Variants in SUSD1 observed in about 807,000 individuals in gnomAD.
SUSD1 encodes the protein sushi domain-containing protein 1.
Under a neutral mutation model 86.9 loss-of-function variants are expected in SUSD1, and 65 were observed. That is an observed-to-expected ratio of 0.75 (90% confidence interval 0.61 to 0.92). The LOEUF (loss-of-function observed/expected upper bound fraction) is 0.92. Ranked by LOEUF, SUSD1 falls within the 40% of genes least tolerant of loss-of-function variation. SUSD1 has a pLI of 0.00. For missense variants in SUSD1, 850 were observed against 929.7 expected (o/e 0.91, Z 1.11); for synonymous variants, 346 against 350.0 (o/e 0.99, Z 0.13).
At chr9:112,141,642 A>G (rs1325023366) in intron 5 of SUSD1, among the ~76,000 whole-genome samples, 4 of 150,432 alleles carry the variant, frequency 2.7e-5, no homozygotes, top group Non-Finnish European at 5.9e-5. Context: ...GTGCCACTAC[A>G]CTGCAGACTG....
At chr9:112,166,081 C>CA (rs1194306354) in intron 1 of SUSD1, among the ~76,000 whole-genome samples, 1 of 152,012 alleles carries the variant, frequency 6.6e-6, no homozygotes, top group Non-Finnish European at 1.5e-5. Context: ...CCCACACCAG[C>CA]AAAAAAACGT....
At chr9:112,070,770 A>G (rs530303723) in intron 12 of SUSD1, among the ~76,000 whole-genome samples, 3 of 152,360 alleles carry the variant, frequency 2.0e-5, no homozygotes, top group South Asian at 2.1e-4. Context: ...TTGAAATAGT[A>G]AAGTACACGC....
intron 12 of SUSD1, among the ~76,000 whole-genome samples, chr9:112,068,135 G>T (rs1829073103): frequency 1.3e-5 from 2 of 152,166 alleles, no homozygotes; most frequent in Admixed American, 1.3e-4. Context: ...CATGGAGACA[G>T]TTTTGTAAAG....
rs1172365155 is a variant in SUSD1, at chr9:112,079,980, A to G, written c.1566+94T>C. On this transcript the variant is annotated intron_variant, in intron 11 of 16. Coordinates refer to ENST00000374270, the MANE Select transcript of SUSD1 (RefSeq NM_022486.5). Reference sequence around the variant, plus strand: ...CACAGTAAATCGTCTACTGATAATGATAGTTATAGATGTAGATTTTTAGGT... The same window carrying G: ...CACAGTAAATCGTCTACTGATAATGGTAGTTATAGATGTAGATTTTTAGGT... 5 of 837,574 alleles carry G rather than the reference A, an allele frequency of 6.0e-6. No homozygotes were observed. The East Asian group carries it at 7.7e-5, about 13-fold the overall frequency. The allele number at this position is 837,574 out of a possible 1,614,324, so 51.9% of individuals were successfully genotyped here. A position where few individuals can be genotyped will look rare whatever the true frequency, so the allele number is the denominator to read the frequency against.
chr9:112,166,019 G>T, intron 1 of SUSD1, among the ~76,000 whole-genome samples: 1 of 144,878 alleles, frequency 6.9e-6, no homozygotes, highest in East Asian at 2.2e-4. Context: ...AAGTATAACC[G>T]CAAAGACAGT....
chr9:112,124,145 G>T, intron 6 of SUSD1, 112 bp downstream of exon 6: 2 of 1,048,180 alleles, frequency 1.9e-6, no homozygotes, highest in Non-Finnish European at 1.3e-6. Flanking sequence ...CAGGTAAATA[G>T]CCGAGCTGGG....
chr9:112,077,103 TTTTC>T (rs1244634680), intron 12 of SUSD1, among the ~76,000 whole-genome samples: 14 of 152,032 alleles, frequency 9.2e-5, no homozygotes, highest in Non-Finnish European at 1.8e-4. Flanking sequence ...TCTGCTCATT[TTTTC>T]TTTCTTTTCG....
At chr9:112,046,895 T>A (rs567981942) in intron 15 of SUSD1, among the ~76,000 whole-genome samples, 2 of 152,190 alleles carry the variant, frequency 1.3e-5, no homozygotes, top group Non-Finnish European at 2.9e-5. Context: ...AGCAACACTG[T>A]TATATTCCAT....
intron 2 of SUSD1, among the ~76,000 whole-genome samples, chr9:112,151,673 A>AG (rs1474191253): frequency 6.6e-6 from 1 of 151,718 alleles, no homozygotes; most frequent in East Asian, 1.9e-4. Flanking sequence ...AGGCCAAGGC[A>AG]GGCAGATCAC....
At chr9:112,072,134 C>A (rs1260433251) in intron 12 of SUSD1, among the ~76,000 whole-genome samples, 1 of 140,564 alleles carries the variant, frequency 7.1e-6, no homozygotes. Context: ...TTATTTCTTT[C>A]TTTCTCTTTT....
intron 8 of SUSD1, among the ~76,000 whole-genome samples, chr9:112,107,254 C>CAAAAAAAAAAAAAAAAAAGAAAAAA (rs1830884190): frequency 1.5e-5 from 1 of 66,200 alleles, no homozygotes; most frequent in Non-Finnish European, 2.7e-5. Context: ...GACCATATCT[C>CAAAAAAAAAAAAAAAAAAGAAAAAA]AAAAAAAAAA....
intron 1 of SUSD1, among the ~76,000 whole-genome samples, chr9:112,171,463 A>G (rs1284897859): frequency 6.6e-6 from 1 of 152,254 alleles, no homozygotes; most frequent in African/African-American, 2.4e-5. Flanking sequence ...TTAGTTTAGT[A>G]AACAATCACA....
At chr9:112,102,343 T>A in intron 8 of SUSD1, 58 bp from the exon 9 acceptor site, 1 of 858,482 alleles carries the variant, frequency 1.2e-6, no homozygotes, top group Non-Finnish European at 1.8e-6. Flanking sequence ...AAATGCATCA[T>A]GGCTGAGTAC....
chr9:112,156,235 T>C (rs1299169150), intron 2 of SUSD1, among the ~76,000 whole-genome samples: 1 of 151,558 alleles, frequency 6.6e-6, no homozygotes, highest in Non-Finnish European at 1.5e-5. Flanking sequence ...AGGCCAAGGC[T>C]GGTGGATCAC....
intron 12 of SUSD1, among the ~76,000 whole-genome samples, chr9:112,069,823 C>T (rs558531979): frequency 2.0e-5 from 3 of 151,732 alleles, no homozygotes; most frequent in East Asian, 1.9e-4. Flanking sequence ...AACTGCAGAC[C>T]GAGCAGGAAG....
chr9:112,093,650 A>C (rs1017719490), intron 10 of SUSD1, among the ~76,000 whole-genome samples: 1 of 152,190 alleles, frequency 6.6e-6, no homozygotes, highest in African/African-American at 2.4e-5. Flanking sequence ...TCATTTATCT[A>C]TCTGTTTGTC....
chr9:112,063,972 C>T (rs1161003544), intron 12 of SUSD1, among the ~76,000 whole-genome samples: 2 of 150,084 alleles, frequency 1.3e-5, no homozygotes, highest in Non-Finnish European at 2.9e-5. Flanking sequence ...GGCCTTCTAT[C>T]CATCCCTGTG....
In SUSD1 at chr9:112,154,351, A is replaced by AAG. The variant is rs1554774531; in HGVS notation, c.217+3147_217+3148dup. Among the ~76,000 whole-genome samples, 118 of 141,772 alleles carry AAG rather than the reference A, an allele frequency of 8.3e-4. No individual in the cohort carries two copies. In the South Asian group the frequency reaches 8.5e-3, roughly 10 times the overall value. The allele number at this position is 141,772 out of a possible 152,430, so 93.0% of individuals were successfully genotyped here. On this transcript the variant is annotated intron_variant, in intron 2 of 16. Transcript: ENST00000374270. ...ACACACACACAAAAAAAAAAAAAAA[A>AAG]AGAGAGAGAAAAATTAGCTGCACGT...
At chr9:112,105,728 A>G (rs998137185) in intron 8 of SUSD1, among the ~76,000 whole-genome samples, 4 of 151,966 alleles carry the variant, frequency 2.6e-5, no homozygotes, top group Non-Finnish European at 4.4e-5. Flanking sequence ...CAAAACGACA[A>G]CAACAACAAC....
Sources: allele counts gnomAD v4.1 joint callset (sites outside exome capture counted in the v4.1 genomes callset), GRCh38; gene constraint gnomAD v4.1.1; transcripts MANE v1.5; gene names NCBI Gene and HGNC (gene_info 2026-07-23, HGNC 2026-07-21).